The following RAB9B variants were observed in gnomAD, a reference collection of about 807,000 sequenced individuals.
RAB9B encodes the protein RAB9B, member RAS oncogene family.
In RAB9B, 1 loss-of-function variant was observed where a neutral mutation model predicts 8.9. The observed-to-expected ratio is 0.11, with a 90% CI of 0.04 to 0.53. The LOEUF is 0.53. Ranked by LOEUF, RAB9B falls within the 20% of genes least tolerant of loss-of-function variation. The probability of loss-of-function intolerance (pLI) is 0.93; values close to 1 mark genes in which losing one functional copy is unlikely to be tolerated. For missense variants in RAB9B, 82 were observed against 152.9 expected, an observed-to-expected ratio of 0.54 and a Z score of 2.45; for synonymous variants, 63 against 57.0, an observed-to-expected ratio of 1.10 and a Z score of -0.47.
chrX:103,781,803 T>A, the RAB9B span, among the ~76,000 whole-genome samples: 1 of 112,411 alleles, frequency 8.9e-6, no homozygotes, highest in Non-Finnish European at 1.9e-5. Context: ...TTATGCCAAC[T>A]CTCTCATCTC....
chrX:103,813,272 C>A, the RAB9B span, among the ~76,000 whole-genome samples: 1 of 110,486 alleles, frequency 9.1e-6, no homozygotes, highest in African/African-American at 3.3e-5. Context: ...ATCTTAGAGT[C>A]TGTTCCAACA....
At chrX:103,826,518 T>A (rs944805269) in intron 2 of RAB9B, among the ~76,000 whole-genome samples, 2 of 112,124 alleles carry the variant, frequency 1.8e-5, no homozygotes, top group Non-Finnish European at 3.8e-5. Flanking sequence ...GAATAGCTTA[T>A]TAGTTTTTGG....
the RAB9B span, among the ~76,000 whole-genome samples, chrX:103,800,737 G>C: frequency 6.3e-5 from 7 of 111,571 alleles, no homozygotes; most frequent in African/African-American, 2.3e-4. Flanking sequence ...TGGAGAAATA[G>C]GTATAAATTT....
chrX:103,785,842 G>A, the RAB9B span: 1 of 941,775 alleles, frequency 1.1e-6, no homozygotes, highest in Non-Finnish European at 1.5e-6. Context: ...GAACTCTTCA[G>A]TACCTTAGTA....
the RAB9B span, among the ~76,000 whole-genome samples, chrX:103,797,010 G>T: frequency 9.3e-6 from 1 of 107,440 alleles, no homozygotes. Flanking sequence ...CTGGGCAACA[G>T]AGCGAGACCC....
chrX:103,824,966 C>G lies in RAB9B; in HGVS notation c.*213G>C, dbSNP rs528584771. 1 of 353,495 alleles carries G rather than the reference C, an allele frequency of 2.8e-6. No homozygotes were observed. The highest frequency in any genetic ancestry group is 4.7e-6 in the Non-Finnish European group (1 of 214,192). The allele number at this position is 353,495 out of a possible 1,213,427, so 29.1% of individuals were successfully genotyped here. ...CAAGAAGGGGAAATAGCAGAAATCA[C>G]GCAAAATACACTTGGCTTGATAGAG... On this transcript the variant is annotated 3_prime_UTR_variant, in exon 3 of 3. Coordinates refer to ENST00000243298, the MANE Select transcript of RAB9B (RefSeq NM_016370.4).
chrX:103,786,211 C>CCCTG, the RAB9B span: 2 of 1,138,088 alleles, frequency 1.8e-6, no homozygotes, highest in South Asian at 3.8e-5. Context: ...GAGAGTAGGT[C>CCCTG]CCTGGTTCTC....
At chrX:103,784,211 C>T in the RAB9B span, among the ~76,000 whole-genome samples, 1 of 111,683 alleles carries the variant, frequency 9.0e-6, no homozygotes, top group African/African-American at 3.3e-5. Flanking sequence ...GGCATAGGGC[C>T]TGGGATACCA....
At chrX:103,789,268 G>A in the RAB9B span, 1 of 788,280 alleles carries the variant, frequency 1.3e-6, no homozygotes, top group Admixed American at 2.2e-5. Context: ...CTGTATTCAT[G>A]ATTTACAGTG....
At chrX:103,798,353 TAGTG>T in the RAB9B span, among the ~76,000 whole-genome samples, 2 of 112,162 alleles carry the variant, frequency 1.8e-5, no homozygotes, top group African/African-American at 6.5e-5. Context: ...ATTAATATTT[TAGTG>T]AGAACAATGT....
chrX:103,818,369 A>T (rs1043200051), downstream of RAB9B, among the ~76,000 whole-genome samples: 2 of 111,717 alleles, frequency 1.8e-5, no homozygotes, highest in East Asian at 5.6e-4. Context: ...TGTTGATGTC[A>T]TTTGGGATAA....
At chrX:103,789,454 C>T in the RAB9B span, 3 of 906,967 alleles carry the variant, frequency 3.3e-6, no homozygotes, top group South Asian at 3.9e-5. Flanking sequence ...AGTGTGGGTA[C>T]AGCTATTCTG....
At chrX:103,783,700 T>C in the RAB9B span, among the ~76,000 whole-genome samples, 1 of 112,105 alleles carries the variant, frequency 8.9e-6, no homozygotes. Context: ...TAACTAATGT[T>C]AACAGAATCA....
chrX:103,796,668 T>C, the RAB9B span, among the ~76,000 whole-genome samples: 1 of 108,958 alleles, frequency 9.2e-6, no homozygotes, highest in Non-Finnish European at 1.9e-5. Context: ...TGTGGCCTTG[T>C]TGGTCACATC....
chrX:103,799,631 G>A, the RAB9B span, among the ~76,000 whole-genome samples: 1 of 111,362 alleles, frequency 9.0e-6, no homozygotes, highest in African/African-American at 3.3e-5. Flanking sequence ...TTACCCATTG[G>A]TTGAGAAAAC....
chrX:103,787,073 T>C, the RAB9B span: 1 of 255,684 alleles, frequency 3.9e-6, no homozygotes, highest in East Asian at 7.8e-5. Flanking sequence ...GAGTCTAAAA[T>C]GCTGCTCATG....
the RAB9B span, chrX:103,790,448 T>A: frequency 1.4e-6 from 1 of 713,708 alleles, no homozygotes; most frequent in South Asian, 2.1e-5. Flanking sequence ...TTTCTACCCT[T>A]CCTCATTCCC....
chrX:103,828,723 G>A (rs2074692633), intron 1 of RAB9B, among the ~76,000 whole-genome samples: 1 of 112,165 alleles, frequency 8.9e-6, no homozygotes, highest in Non-Finnish European at 1.9e-5. Context: ...TAATGATGAT[G>A]TATTAATAAC....
chrX:103,781,116 C>T, the RAB9B span: 1 of 227,664 alleles, frequency 4.4e-6, no homozygotes, highest in Non-Finnish European at 8.5e-6. Flanking sequence ...TTCTACCATT[C>T]CTTTCGATGA....
Sources: gnomAD v4.1 joint callset for allele counts (sites outside exome capture counted in the v4.1 genomes callset) on GRCh38, gnomAD v4.1.1 for gene constraint, MANE v1.5 for transcripts, NCBI Gene and HGNC (gene_info 2026-07-23, HGNC 2026-07-21) for gene names.